Variants in NIBAN1 observed in about 807,000 individuals in gnomAD.
NIBAN1 encodes the protein niban apoptosis regulator 1.
In NIBAN1, 81 loss-of-function variants were observed where a neutral mutation model predicts 75.1. The observed-to-expected ratio is 1.08, with a 90% CI of 0.90 to 1.30. The LOEUF (loss-of-function observed/expected upper bound fraction) is 1.30, where lower values mean the gene tolerates loss of function less well. Ranked by LOEUF, NIBAN1 falls within the 50% of genes most tolerant of loss-of-function variation. The pLI is 0.00. For synonymous variants in NIBAN1, 436 were observed against 424.8 expected, an observed-to-expected ratio of 1.03 and a Z score of -0.32; for missense variants, 1,133 against 1,128.1, an observed-to-expected ratio of 1.00 and a Z score of -0.06.
Position 184,894,060 on chromosome 1 carries a change from A to G in NIBAN1, c.318+15T>C, listed in dbSNP as rs1318779737. On this transcript the variant is annotated intron_variant, in intron 3 of 13. Transcript: ENST00000367511. The stretch of plus-strand genomic sequence containing the variant: ...GAACAGTGTAAGAATCAGTAGTAAC[A>G]AAGAAGTGTCTTACCTCTTTATTCT... 2 of 1,589,404 alleles carry G rather than the reference A, an allele frequency of 1.3e-6. No individual in the cohort carries two copies. The highest frequency in any genetic ancestry group is 3.6e-5 in the Admixed American group (2 of 55,084).
In NIBAN1 at chr1:184,931,160, C is replaced by T. The variant is rs181035909; in HGVS notation, c.56-31851G>A. Among the ~76,000 whole-genome samples, 1,017 of 152,056 alleles carry T rather than the reference C, an allele frequency of 6.7e-3. 5 individuals carry two copies. Among genetic ancestry groups the T allele is most frequent in the Non-Finnish European group, 0.011 (730 of 67,978 alleles). On this transcript the variant is annotated intron_variant, in intron 1 of 13. Coordinates refer to ENST00000367511, the MANE Select transcript of NIBAN1 (RefSeq NM_052966.4). ...GATTACTGGCACCCACTACCCTACC[C>T]GGCTAGTTTTTATATTTTTAGTAGA...
At position 184,798,180 on chromosome 1, in the gene NIBAN1, T is replaced by C; in HGVS notation, c.1565A>G (p.Lys522Arg). 6.2e-7 allele frequency: 1 copy of C among 1,600,802 alleles called. No homozygotes were observed. The highest frequency in any genetic ancestry group is 8.5e-7 in the Non-Finnish European group (1 of 1,170,126). ...LASTCKPELQ[K>R]YEQFIFADHT... is the part of the protein sequence containing the mutation. ...ATCTGCAAAGATGAACTGCTCGTAT[T>C]TCTGAAGCTCCTGGAGAGCAAGAGA... Residue 522 changes from lysine (K) to arginine (R), a missense_variant, in exon 13 of 14, where the codon AAA (lysine) becomes AGA (arginine). Coordinates refer to ENST00000367511, the MANE Select transcript of NIBAN1 (RefSeq NM_052966.4).
chr1:184,861,093 C>G (rs1655803667), intron 5 of NIBAN1, among the ~76,000 whole-genome samples: 1 of 152,178 alleles, frequency 6.6e-6, no homozygotes, highest in South Asian at 2.1e-4. Context: ...CTTTGTGAGC[C>G]ATTCAGTCTC....
rs773978173 is a variant in NIBAN1, at chr1:184,795,423, G to A, written c.2341C>T (p.His781Tyr). The change falls in exon 14 of 14, where the codon CAT becomes TAT. Residue 781 changes from histidine (H) to tyrosine (Y), a missense_variant. Transcript: ENST00000367511. ...GGAAATCCCCCCAACTCCTCCCCAT[G>A]GGCCTCGGGACAGGGAGGTTGGGCC... ...REAQPPCPEA[H>Y]GEELGGFPEV... is the part of the protein sequence containing the mutation. 1 of 1,607,034 alleles carries A rather than the reference G, an allele frequency of 6.2e-7. No individual in the cohort carries two copies. The highest frequency in any genetic ancestry group is 1.1e-5 in the South Asian group (1 of 90,006).
At chr1:184,806,083 A>T in intron 10 of NIBAN1, 27 bp from the exon 11 acceptor site, 1 of 1,591,074 alleles carries the variant, frequency 6.3e-7, no homozygotes, top group Non-Finnish European at 8.6e-7. Flanking sequence ...ACACAGAAAC[A>T]GACAACAGTC....
chr1:184,814,184 C>G (rs1654463073), intron 9 of NIBAN1, among the ~76,000 whole-genome samples: 1 of 151,916 alleles, frequency 6.6e-6, no homozygotes, highest in African/African-American at 2.4e-5. Context: ...AATATATTGG[C>G]TAAATAAAAT....
At chr1:184,907,368 G>A (rs1485385176) in intron 1 of NIBAN1, among the ~76,000 whole-genome samples, 2 of 152,100 alleles carry the variant, frequency 1.3e-5, no homozygotes, top group Admixed American at 6.5e-5. Context: ...AGATTAATCA[G>A]GCCATTGGCA....
chr1:184,807,944 C>T (rs775395172), intron 10 of NIBAN1, 130 bp downstream of exon 10: 8 of 1,037,194 alleles, frequency 7.7e-6, no homozygotes, highest in East Asian at 4.8e-5. Context: ...CGTGTCCTCC[C>T]GCAACATGAT....
Position 184,803,472 on chromosome 1 carries a change from C to T in NIBAN1, c.1554+113G>A, listed in dbSNP as rs544325410. On this transcript the variant is annotated intron_variant, in intron 12 of 13. Coordinates refer to ENST00000367511, the MANE Select transcript of NIBAN1 (RefSeq NM_052966.4). ...ACTATCTGACCATTTACAAAAATGT[C>T]TGCCAATCCCTCCCTGGTCTAGTCT... The T allele has an allele frequency of 1.3e-5, 10 of 754,746 alleles. No homozygotes were observed. The South Asian group carries it at 1.7e-4, about 13-fold the overall frequency. 46.8% of individuals were successfully genotyped at this position (754,746 alleles called of 1,614,324 possible).
At chr1:184,930,838 C>T (rs1220348749) in intron 1 of NIBAN1, among the ~76,000 whole-genome samples, 4 of 152,058 alleles carry the variant, frequency 2.6e-5, no homozygotes, top group Non-Finnish European at 5.9e-5. Context: ...GGTTTTATGA[C>T]ACATTAGTGT....
chr1:184,867,960 A>G, intron 5 of NIBAN1: 2 of 985,412 alleles, frequency 2.0e-6, no homozygotes, highest in Non-Finnish European at 2.4e-6. Flanking sequence ...AATAGTTTCT[A>G]GGGAAAGGTG....
chr1:184,887,514 A>G (rs1003751704), intron 4 of NIBAN1, among the ~76,000 whole-genome samples: 2 of 152,056 alleles, frequency 1.3e-5, no homozygotes, highest in Non-Finnish European at 2.9e-5. Flanking sequence ...GGCATATGAA[A>G]CTTCCTGGAG....
intron 6 of NIBAN1, among the ~76,000 whole-genome samples, chr1:184,829,967 C>T (rs1049188350): frequency 2.0e-5 from 3 of 152,228 alleles, no homozygotes; most frequent in Non-Finnish European, 4.4e-5. Flanking sequence ...CATTTGTCCA[C>T]TTAGCATGTA....
At chr1:184,879,915 T>C (rs1656333589) in intron 5 of NIBAN1, among the ~76,000 whole-genome samples, 1 of 152,228 alleles carries the variant, frequency 6.6e-6, no homozygotes, top group South Asian at 2.1e-4. Context: ...TTGCAGAGTG[T>C]CTTTATATTG....
At chr1:184,878,988 G>A (rs568251771) in intron 5 of NIBAN1, among the ~76,000 whole-genome samples, 1 of 152,258 alleles carries the variant, frequency 6.6e-6, no homozygotes, top group East Asian at 1.9e-4. Flanking sequence ...ATACTCACAA[G>A]GAGACAGAGA....
chr1:184,923,516 C>A (rs781404564), intron 1 of NIBAN1, among the ~76,000 whole-genome samples: 1 of 152,070 alleles, frequency 6.6e-6, no homozygotes, highest in South Asian at 2.1e-4. Flanking sequence ...CAGTTTTGTT[C>A]TTTTTGTTCA....
At chr1:184,915,932 G>T (rs1462314014) in intron 1 of NIBAN1, among the ~76,000 whole-genome samples, 1 of 152,178 alleles carries the variant, frequency 6.6e-6, no homozygotes, top group African/African-American at 2.4e-5. Context: ...TCCTGAATAT[G>T]CTGTTGTTTC....
intron 2 of NIBAN1, among the ~76,000 whole-genome samples, chr1:184,895,940 AT>A (rs1190169096): frequency 6.6e-6 from 1 of 152,002 alleles, no homozygotes; most frequent in Non-Finnish European, 1.5e-5. Flanking sequence ...TATATACCAC[AT>A]TTTTTTTATC....
chr1:184,959,496 A>T (rs1212103245), intron 1 of NIBAN1, among the ~76,000 whole-genome samples: 1 of 151,914 alleles, frequency 6.6e-6, no homozygotes, highest in East Asian at 1.9e-4. Context: ...GTCTATTTCT[A>T]TTGATTTATT....
Sources: allele counts gnomAD v4.1 joint callset (sites outside exome capture counted in the v4.1 genomes callset), GRCh38; gene constraint gnomAD v4.1.1; transcripts MANE v1.5; gene names NCBI Gene and HGNC (gene_info 2026-07-23, HGNC 2026-07-21).